WDPCP: variants seen among roughly 807,000 people sequenced by gnomAD.
WDPCP encodes WD repeat containing planar cell polarity effector.
In WDPCP, 71 loss-of-function variants were observed where a neutral mutation model predicts 93.1. That is an observed-to-expected ratio of 0.76 (90% CI 0.63 to 0.93). WDPCP has a LOEUF of 0.93. Among genes scored for constraint, WDPCP ranks in the 40% least tolerant of loss-of-function variants. The pLI, the probability that WDPCP is intolerant of heterozygous loss-of-function variation, is 0.00. For missense variants in WDPCP, 844 were observed against 887.4 expected, an observed-to-expected ratio of 0.95 and a Z score of 0.62; for synonymous variants, 315 against 315.0, an observed-to-expected ratio of 1.00 and a Z score of 0.00.
intron 2 of WDPCP, among the ~76,000 whole-genome samples, chr2:63,780,395 C>G (rs1670369315): frequency 6.6e-6 from 1 of 152,128 alleles, no homozygotes; most frequent in African/African-American, 2.4e-5. Flanking sequence ...TCGTGCAGGT[C>G]TTTGAGGGCT....
At chr2:63,328,609 G>A (rs747962489) in intron 12 of WDPCP, among the ~76,000 whole-genome samples, 26 of 152,150 alleles carry the variant, frequency 1.7e-4, no homozygotes, top group East Asian at 3.8e-4. Context: ...CACTGCGAGC[G>A]TCCGCGGCTT....
chr2:63,452,911 T>C (rs1458631291), intron 6 of WDPCP, among the ~76,000 whole-genome samples: 2 of 152,168 alleles, frequency 1.3e-5, no homozygotes, highest in African/African-American at 4.8e-5. Context: ...TGAAACTGGA[T>C]CCCTTCCTTA....
intron 6 of WDPCP, among the ~76,000 whole-genome samples, chr2:63,469,678 T>G (rs543415147): frequency 6.6e-6 from 1 of 151,944 alleles, no homozygotes; most frequent in African/African-American, 2.4e-5. Context: ...AAGGGAACAA[T>G]AGACACTGGG....
At chr2:63,551,983 GGGTCTCACTATGTTGCCCAGGCT>G (rs1162389391) in intron 1 of WDPCP, among the ~76,000 whole-genome samples, 1 of 140,842 alleles carries the variant, frequency 7.1e-6, no homozygotes, top group Admixed American at 7.2e-5. Flanking sequence ...TTAAGAGAGA[GGGTCTCACTATGTTGCCCAGGCT>G]GGTCTCAACT....
intron 1 of WDPCP, among the ~76,000 whole-genome samples, chr2:63,587,309 T>A (rs1329222399): frequency 1.6e-4 from 25 of 152,080 alleles, no homozygotes; most frequent in Admixed American, 1.6e-3. Context: ...CTAAAAAAAA[T>A]TTAGAAACTC....
At chr2:63,177,882 AG>A (rs1673938924) in intron 14 of WDPCP, among the ~76,000 whole-genome samples, 1 of 152,056 alleles carries the variant, frequency 6.6e-6, no homozygotes, top group African/African-American at 2.4e-5. Flanking sequence ...ATTATGTTGG[AG>A]TATTAATAGT....
At chr2:63,182,626 G>A (rs900323676) in intron 14 of WDPCP, among the ~76,000 whole-genome samples, 6 of 151,872 alleles carry the variant, frequency 4.0e-5, no homozygotes, top group Admixed American at 1.3e-4. Context: ...GTGCTAGTCC[G>A]GCTTTAGTAT....
At chr2:63,822,152 T>C (rs576929019) in intron 1 of WDPCP, among the ~76,000 whole-genome samples, 1 of 152,290 alleles carries the variant, frequency 6.6e-6, no homozygotes, top group East Asian at 1.9e-4. Flanking sequence ...GTTTTTAAAA[T>C]TATTATGTAA....
chr2:63,599,396 GT>G, intron 3 of WDPCP: 1 of 1,155,214 alleles, frequency 8.7e-7, no homozygotes, highest in Non-Finnish European at 1.2e-6. Flanking sequence ...TCTTGTTTTT[GT>G]TTAGTAGGAA....
At position 63,827,398 on chromosome 2, in the gene WDPCP, G is replaced by A. The variant is rs562173269; in HGVS notation, n.222+224C>T. ...AATAGTTCAATCAAACCAGTGCACA[G>A]GTTTTATGGTCTCCTATACATGTTG... is the stretch of plus-strand genomic sequence containing the variant. On this transcript the variant is annotated intron_variant and non_coding_transcript_variant, in intron 1 of 4. Coordinates refer to the WDPCP transcript ENST00000467687. Among the ~76,000 whole-genome samples the A allele has an allele frequency of 4.6e-5, 7 of 152,192 alleles. No homozygotes were observed. The East Asian group carries it at 1.2e-3, about 25-fold the overall frequency.
chr2:63,546,439 A>C (rs1294522530), intron 1 of WDPCP, among the ~76,000 whole-genome samples: 1 of 152,184 alleles, frequency 6.6e-6, no homozygotes. Context: ...AAGAAAAGTA[A>C]ACTCACCCAA....
chr2:63,455,413 G>C lies in WDPCP; in HGVS notation c.385-15542C>G, dbSNP rs991225721. Among the ~76,000 whole-genome samples the C allele has an allele frequency of 2.1e-5, 3 of 140,914 alleles. No homozygotes were observed. In the Admixed American group the frequency reaches 2.1e-4, roughly 10 times the overall value. The allele number at this position is 140,914 out of a possible 152,430, so 92.4% of individuals were successfully genotyped here. ...CTAAGAAATGTACTTTACTTGTAAA[G>C]ATATATATATATATATATATATATA... On this transcript the variant is annotated intron_variant, in intron 6 of 17. Transcript: ENST00000272321.
chr2:63,626,511 A>T (rs1709812926), intron 3 of WDPCP, among the ~76,000 whole-genome samples: 1 of 151,586 alleles, frequency 6.6e-6, no homozygotes, highest in Non-Finnish European at 1.5e-5. Flanking sequence ...ACCCCATTAA[A>T]AAAGGATATG....
At chr2:63,225,101 C>G (rs1331595109) in intron 14 of WDPCP, among the ~76,000 whole-genome samples, 1 of 150,282 alleles carries the variant, frequency 6.7e-6, no homozygotes, top group Non-Finnish European at 1.5e-5. Context: ...TATAAAGATA[C>G]TCAGGAATGA....
Position 63,378,299 on chromosome 2 carries a change from C to T in WDPCP, c.1748+87G>A, listed in dbSNP as rs1692019480. The T allele has an allele frequency of 1.9e-6, 3 of 1,570,816 alleles. No individual in the cohort carries two copies. In the South Asian group the frequency reaches 3.4e-5, roughly 18 times the overall value. On this transcript the variant is annotated intron_variant, in intron 12 of 17. Coordinates refer to ENST00000272321, the MANE Select transcript of WDPCP (RefSeq NM_015910.7). The stretch of plus-strand genomic sequence containing the variant: ...AGATGGACTGTTAGGAAACACATAG[C>T]CTTACTATGGAATATTTTAATTAAA...
intron 9 of WDPCP, among the ~76,000 whole-genome samples, chr2:63,405,754 G>C (rs2105208093): frequency 6.6e-6 from 1 of 152,076 alleles, no homozygotes; most frequent in Admixed American, 6.6e-5. Flanking sequence ...AAAACCACAG[G>C]CCATTCACTT....
chr2:63,457,763 G>C (rs995752933), intron 6 of WDPCP, among the ~76,000 whole-genome samples: 3 of 152,132 alleles, frequency 2.0e-5, no homozygotes, highest in Non-Finnish European at 4.4e-5. Context: ...ACTCCTTCAT[G>C]ATAAAAACTC....
intron 6 of WDPCP, among the ~76,000 whole-genome samples, chr2:63,467,363 C>T (rs2105794101): frequency 6.6e-6 from 1 of 151,762 alleles, no homozygotes; most frequent in East Asian, 1.9e-4. Flanking sequence ...ACTTATAATC[C>T]CAGCTGCTCA....
chr2:63,595,284 G>C, intron 3 of WDPCP: 1 of 693,612 alleles, frequency 1.4e-6, no homozygotes, highest in Non-Finnish European at 2.7e-6. Flanking sequence ...CTAGATACCT[G>C]ACCTCCTAAA....
Sources: gnomAD v4.1 joint callset for allele counts (sites outside exome capture counted in the v4.1 genomes callset) on GRCh38, gnomAD v4.1.1 for gene constraint, MANE v1.5 for transcripts, NCBI Gene and HGNC (gene_info 2026-07-23, HGNC 2026-07-21) for gene names.